Variants in PARD3B observed in about 807,000 individuals in gnomAD.
PARD3B encodes partitioning defective 3 homolog B.
A neutral mutation model predicts 130.2 loss-of-function variants in PARD3B; 103 were observed. That is an observed-to-expected ratio of 0.79 (90% confidence interval 0.67 to 0.93). PARD3B has a LOEUF of 0.93. PARD3B is among the 40% of genes least tolerant of loss of function. PARD3B has a pLI of 0.00. For missense variants in PARD3B, 1,609 were observed against 1,499.2 expected (o/e 1.07, Z -1.21); for synonymous variants, 583 against 553.2 (o/e 1.05, Z -0.76).
Position 205,248,414 on chromosome 2 carries a change from T to TGGC in PARD3B, c.2185+2596_2185+2598dup, listed in dbSNP as rs1261330803. Among the ~76,000 whole-genome samples, 169 of 148,302 alleles carry TGGC rather than the reference T, an allele frequency of 1.1e-3. 1 individual carries two copies. The highest frequency in any genetic ancestry group is 4.1e-3 in the African/African-American group (160 of 39,380). ...GTGGTGGTGGTGGTGGTGGTGGTGG[T>TGGC]GGCGGCAGCAGCAGCAGCAGAGGGT... On this transcript the variant is annotated intron_variant, in intron 16 of 22. Coordinates refer to ENST00000406610, the MANE Select transcript of PARD3B (RefSeq NM_001302769.2).
intron 16 of PARD3B, among the ~76,000 whole-genome samples, chr2:205,248,031 T>G (rs1461139742): frequency 6.6e-6 from 1 of 151,962 alleles, no homozygotes; most frequent in African/African-American, 2.4e-5. Context: ...CTGGCTCAGG[T>G]GATCCTTCCA....
At chr2:205,390,299 TG>T (rs2045810559) in intron 18 of PARD3B, among the ~76,000 whole-genome samples, 1 of 147,532 alleles carries the variant, frequency 6.8e-6, no homozygotes, top group Non-Finnish European at 1.5e-5. Flanking sequence ...AAGAAGAATA[TG>T]AAAAAAAAAA....
intron 22 of PARD3B, among the ~76,000 whole-genome samples, chr2:205,586,887 G>C (rs2054215162): frequency 6.6e-6 from 1 of 152,094 alleles, no homozygotes. Flanking sequence ...TTCATAAGTT[G>C]TAAACGTTGA....
chr2:205,323,156 G>A (rs1406259063), intron 18 of PARD3B, among the ~76,000 whole-genome samples: 1 of 151,684 alleles, frequency 6.6e-6, no homozygotes, highest in East Asian at 2.0e-4. Context: ...TGATCTGCCC[G>A]CCTCAGCCTC....
At chr2:205,182,164 TG>T (rs2035826128) in intron 13 of PARD3B, among the ~76,000 whole-genome samples, 1 of 152,010 alleles carries the variant, frequency 6.6e-6, no homozygotes. Flanking sequence ...TGGTGGCAGG[TG>T]CCTGTAGTCC....
At chr2:204,741,707 C>T (rs535186772) in intron 2 of PARD3B, among the ~76,000 whole-genome samples, 93 of 152,200 alleles carry the variant, frequency 6.1e-4, no homozygotes, top group Middle Eastern at 3.4e-3. Context: ...AAATTATACC[C>T]GTAATTTGGC....
Position 205,183,730 on chromosome 2 carries a change from TTGTGTGTGTG to T in PARD3B, c.1925-1999_1925-1990del, listed in dbSNP as rs71410805. Among the ~76,000 whole-genome samples the T allele has an allele frequency of 1.7e-3, 234 of 138,250 alleles. No individual in the cohort carries two copies. Among genetic ancestry groups the T allele is most frequent in the African/African-American group, 4.4e-3 (164 of 37,172 alleles). The allele number at this position is 138,250 out of a possible 152,430, so 90.7% of individuals were successfully genotyped here. A position where few individuals can be genotyped will look rare whatever the true frequency, so the allele number is the denominator to read the frequency against. Reference sequence around the variant, plus strand: ...GGTTCTGCAGAGAAACAGAACCAAGTTGTGTGTGTGTGTGTGTGTGTGTGTGTGTGTGTGT... The same window carrying T: ...GGTTCTGCAGAGAAACAGAACCAAGTTGTGTGTGTGTGTGTGTGTGTGTGT... On this transcript the variant is annotated intron_variant, in intron 13 of 22. Transcript: ENST00000406610. This position sits in a 1 kb window ranked among gnomAD's most constrained non-coding sequence, Gnocchi z 5.2.
chr2:204,688,002 A>G (rs1458992940), intron 2 of PARD3B, among the ~76,000 whole-genome samples: 1 of 152,146 alleles, frequency 6.6e-6, no homozygotes, highest in Non-Finnish European at 1.5e-5. Context: ...TATCTCAGCA[A>G]TGCAGTTTAT....
chr2:204,941,940 TA>T (rs758758944), intron 2 of PARD3B, among the ~76,000 whole-genome samples: 1 of 152,196 alleles, frequency 6.6e-6, no homozygotes, highest in African/African-American at 2.4e-5. Context: ...AACTTGAACT[TA>T]GTCATTCCTA....
intron 15 of PARD3B, among the ~76,000 whole-genome samples, chr2:205,235,312 C>T (rs2039015744): frequency 6.6e-6 from 1 of 152,048 alleles, no homozygotes; most frequent in South Asian, 2.1e-4. Context: ...GTCCTAGCTA[C>T]TCGGGAGGCT....
intron 2 of PARD3B, among the ~76,000 whole-genome samples, chr2:204,692,327 C>G (rs1042743963): frequency 1.3e-5 from 2 of 152,040 alleles, no homozygotes; most frequent in African/African-American, 2.4e-5. Flanking sequence ...TTTATAAAAA[C>G]TCCTCTTTTA....
At chr2:205,036,134 A>G (rs1384832956) in intron 3 of PARD3B, among the ~76,000 whole-genome samples, 1 of 146,068 alleles carries the variant, frequency 6.8e-6, no homozygotes, top group African/African-American at 2.5e-5. Flanking sequence ...AGAGGTACAT[A>G]TATATTATAT....
At chr2:204,740,911 T>C (rs2039980638) in intron 2 of PARD3B, among the ~76,000 whole-genome samples, 1 of 152,226 alleles carries the variant, frequency 6.6e-6, no homozygotes. Context: ...AGTGTGTTCA[T>C]GTGTTTTAAG....
At chr2:205,498,441 G>A (rs549397872) in intron 20 of PARD3B, among the ~76,000 whole-genome samples, 4 of 152,060 alleles carry the variant, frequency 2.6e-5, no homozygotes, top group Middle Eastern at 3.4e-3. Flanking sequence ...GGCAGAGGGT[G>A]CAGTGAGCCA....
chr2:205,509,867 T>C (rs1353509911), intron 21 of PARD3B, among the ~76,000 whole-genome samples: 1 of 152,236 alleles, frequency 6.6e-6, no homozygotes, highest in African/African-American at 2.4e-5. Context: ...GCCTTTTGTT[T>C]CTGGGTCTGC....
chr2:204,782,358 T>C (rs1018446439), intron 2 of PARD3B, among the ~76,000 whole-genome samples: 13 of 139,340 alleles, frequency 9.3e-5, no homozygotes, highest in African/African-American at 3.4e-4. Context: ...GTATATGTTA[T>C]ATAATATATA....
intron 18 of PARD3B, among the ~76,000 whole-genome samples, chr2:205,386,655 T>G (rs1266868272): frequency 3.7e-5 from 1 of 26,894 alleles, no homozygotes; most frequent in African/African-American, 9.5e-5. Context: ...AAGTAGAGTT[T>G]TTTTTTTTTG....
At chr2:205,047,510 A>T in intron 3 of PARD3B, 71 bp from the exon 4 acceptor site, 2 of 847,086 alleles carry the variant, frequency 2.4e-6, no homozygotes, top group Non-Finnish European at 3.7e-6. Flanking sequence ...TTTAAATTAA[A>T]GTGCATTGTG....
At chr2:204,854,629 C>T (rs1465466486) in intron 2 of PARD3B, among the ~76,000 whole-genome samples, 1 of 152,244 alleles carries the variant, frequency 6.6e-6, no homozygotes, top group African/African-American at 2.4e-5. Context: ...GAGCACATAG[C>T]AGATACTCAA....
Sources: gnomAD v4.1 joint callset for allele counts (sites outside exome capture counted in the v4.1 genomes callset) on GRCh38, gnomAD v4.1.1 for gene constraint, Gnocchi (gnomAD v3.1) non-coding constraint, MANE v1.5 for transcripts, NCBI Gene and HGNC (gene_info 2026-07-23, HGNC 2026-07-21) for gene names.